Variants in RPSA2 observed in about 807,000 individuals in gnomAD.
RPSA2 encodes the protein small ribosomal subunit protein uS2B.
At chr19:23,807,943 A>G in the RPSA2 span, 2 of 318,512 alleles carry the variant, frequency 6.3e-6, no homozygotes, top group South Asian at 3.7e-5. Flanking sequence ...TTCCTGGGTG[A>G]GGATAACTTT....
the RPSA2 span, among the ~76,000 whole-genome samples, chr19:23,869,500 G>A: frequency 1.3e-5 from 2 of 152,110 alleles, no homozygotes; most frequent in Non-Finnish European, 1.5e-5. Flanking sequence ...TGGCCCACTG[G>A]GTAGAAAAGA....
chr19:23,789,744 C>T, the RPSA2 span, among the ~76,000 whole-genome samples: 234 of 151,528 alleles, frequency 1.5e-3, 1 homozygote, highest in African/African-American at 5.5e-3. Context: ...GAGTCTCGCT[C>T]TGTCACCCAG....
chr19:23,849,818 A>G, the RPSA2 span, among the ~76,000 whole-genome samples: 6 of 152,128 alleles, frequency 3.9e-5, no homozygotes, highest in Non-Finnish European at 5.9e-5. Context: ...AGTTAACACA[A>G]TCTTCCCAAA....
the RPSA2 span, among the ~76,000 whole-genome samples, chr19:23,817,198 A>G: frequency 6.6e-6 from 1 of 152,178 alleles, no homozygotes; most frequent in East Asian, 1.9e-4. Flanking sequence ...CCTGACCAAC[A>G]TGGAGAAACC....
chr19:23,764,668 G>T, the RPSA2 span, among the ~76,000 whole-genome samples: 3 of 151,990 alleles, frequency 2.0e-5, no homozygotes, highest in Non-Finnish European at 2.9e-5. Flanking sequence ...TGAGTAGAGA[G>T]TGGGTTTTGT....
the RPSA2 span, among the ~76,000 whole-genome samples, chr19:23,846,352 G>A: frequency 2.0e-5 from 3 of 151,980 alleles, no homozygotes; most frequent in South Asian, 4.1e-4. Flanking sequence ...CTGTCATAAT[G>A]TTAATTATTG....
chr19:23,825,120 C>T, the RPSA2 span, among the ~76,000 whole-genome samples: 18 of 152,026 alleles, frequency 1.2e-4, no homozygotes, highest in Non-Finnish European at 2.4e-4. Context: ...GCTGGGAGTA[C>T]AGGTGCCCGC....
the RPSA2 span, among the ~76,000 whole-genome samples, chr19:23,841,966 A>G: frequency 1.3e-5 from 2 of 152,226 alleles, no homozygotes; most frequent in Non-Finnish European, 2.9e-5. Flanking sequence ...TTGCTTTGGA[A>G]AATGAAGGCT....
At chr19:23,816,718 C>G in the RPSA2 span, among the ~76,000 whole-genome samples, 1 of 152,168 alleles carries the variant, frequency 6.6e-6, no homozygotes, top group Non-Finnish European at 1.5e-5. Context: ...ATTGGACTTA[C>G]AGTTTCATGT....
chr19:23,831,718 C>T, the RPSA2 span: 2 of 258,800 alleles, frequency 7.7e-6, no homozygotes, highest in East Asian at 1.0e-4. Flanking sequence ...TGAGAAATGG[C>T]TGTAAAAGTG....
chr19:23,805,391 C>G, the RPSA2 span, among the ~76,000 whole-genome samples: 1 of 151,944 alleles, frequency 6.6e-6, no homozygotes, highest in African/African-American at 2.4e-5. Flanking sequence ...CTCGAACTCC[C>G]TACCTCAAGT....
At chr19:23,780,945 ACT>A in the RPSA2 span, among the ~76,000 whole-genome samples, 1 of 151,990 alleles carries the variant, frequency 6.6e-6, no homozygotes, top group Non-Finnish European at 1.5e-5. Flanking sequence ...TGGAAAATTG[ACT>A]CTCATTTGTG....
At chr19:23,766,644 C>T in the RPSA2 span, among the ~76,000 whole-genome samples, 2 of 151,676 alleles carry the variant, frequency 1.3e-5, no homozygotes, top group South Asian at 4.2e-4. Flanking sequence ...TTAGTAGAGA[C>T]AGGGTTTCAC....
At chr19:23,809,562 A>G in the RPSA2 span, 1 of 152,068 alleles carries the variant, frequency 6.6e-6, no homozygotes, top group Non-Finnish European at 1.5e-5. Context: ...CACTTAAAAG[A>G]TTTACAAGCT....
At chr19:23,860,096 G>A in the RPSA2 span, among the ~76,000 whole-genome samples, 561 of 152,130 alleles carry the variant, frequency 3.7e-3, 4 homozygotes, top group African/African-American at 0.013. Context: ...TAAACTTTTT[G>A]AAAGGTTACC....
At chr19:23,780,074 G>A in the RPSA2 span, among the ~76,000 whole-genome samples, 2 of 152,090 alleles carry the variant, frequency 1.3e-5, no homozygotes, top group African/African-American at 2.4e-5. Context: ...ACCTCTTACC[G>A]GTCAATAGAA....
the RPSA2 span, among the ~76,000 whole-genome samples, chr19:23,858,074 A>G: frequency 1.3e-5 from 2 of 149,724 alleles, no homozygotes; most frequent in East Asian, 4.0e-4. Flanking sequence ...TGCATGGGAA[A>G]GACTCTGTAT....
At chr19:23,870,821 G>C in the RPSA2 span, among the ~76,000 whole-genome samples, 1 of 152,194 alleles carries the variant, frequency 6.6e-6, no homozygotes, top group Admixed American at 6.5e-5. Context: ...GAAGCCTGAG[G>C]ATTGTGACCA....
the RPSA2 span, among the ~76,000 whole-genome samples, chr19:23,833,532 TC>T: frequency 6.6e-6 from 1 of 152,128 alleles, no homozygotes; most frequent in South Asian, 2.1e-4. Context: ...GTAAGGTAAT[TC>T]ATACTGGAGA....
Sources: gnomAD v4.1 joint callset for allele counts (sites outside exome capture counted in the v4.1 genomes callset) on GRCh38, gnomAD v4.1.1 for gene constraint, MANE v1.5 for transcripts, NCBI Gene and HGNC (gene_info 2026-07-23, HGNC 2026-07-21) for gene names.